WDPCP: variants seen among roughly 807,000 people sequenced by gnomAD.
The protein encoded by WDPCP is WD repeat-containing and planar cell polarity effector protein fritz homolog.
WDPCP carries 71 observed loss-of-function variants against 93.1 expected under a neutral mutation model. The observed-to-expected ratio is 0.76, with a 90% confidence interval of 0.63 to 0.93. The LOEUF is 0.93. Among genes scored for constraint, WDPCP ranks in the 40% least tolerant of loss-of-function variants. The probability of loss-of-function intolerance (pLI) is 0.00; values close to 1 mark genes in which losing one functional copy is unlikely to be tolerated. For missense variants in WDPCP, 844 were observed against 887.4 expected (o/e 0.95, Z 0.62); for synonymous variants, 315 against 315.0 (o/e 1.00, Z 0.00).
intron 14 of WDPCP, among the ~76,000 whole-genome samples, chr2:63,205,824 C>T (rs909364641): frequency 6.6e-6 from 1 of 152,128 alleles, no homozygotes; most frequent in Non-Finnish European, 1.5e-5. Flanking sequence ...ATTTCTTTCT[C>T]TTGTCCGATT....
In WDPCP at chr2:63,554,504, T is replaced by A. The variant is rs1428145072; in HGVS notation, c.75+33693A>T. ...CCATCTCTATTAAAAATACAAAAAA[T>A]TAGCTGGGTATGATGGCAGGCACCT... On this transcript the variant is annotated intron_variant, in intron 1 of 17. Coordinates refer to ENST00000272321, the MANE Select transcript of WDPCP (RefSeq NM_015910.7). Among the ~76,000 whole-genome samples the A allele has an allele frequency of 3.9e-5, 6 of 152,010 alleles. No homozygotes were observed. In the South Asian group the frequency reaches 1.0e-3, roughly 26 times the overall value.
At chr2:63,487,770 C>T (rs928687939) in intron 2 of WDPCP, among the ~76,000 whole-genome samples, 3 of 152,078 alleles carry the variant, frequency 2.0e-5, no homozygotes, top group East Asian at 1.9e-4. Flanking sequence ...CAAGAAACAC[C>T]AAGTTTTCTC....
At chr2:63,423,176 C>A (rs1000689937) in intron 9 of WDPCP, among the ~76,000 whole-genome samples, 2 of 152,130 alleles carry the variant, frequency 1.3e-5, no homozygotes, top group Non-Finnish European at 2.9e-5. Context: ...TTAAACTATG[C>A]ATTTATTTTG....
chr2:63,478,139 C>G (rs1382168257), intron 6 of WDPCP, among the ~76,000 whole-genome samples: 3 of 152,042 alleles, frequency 2.0e-5, no homozygotes, highest in African/African-American at 7.2e-5. Context: ...GGAAAAATAT[C>G]ACAATCCTAA....
intron 13 of WDPCP, among the ~76,000 whole-genome samples, chr2:63,261,328 T>C (rs1681615316): frequency 1.3e-5 from 2 of 152,134 alleles, no homozygotes; most frequent in East Asian, 1.9e-4. Flanking sequence ...AACTGTGCAA[T>C]TGAGGAACTT....
chr2:63,171,084 T>C (rs1413718472), intron 15 of WDPCP, among the ~76,000 whole-genome samples: 1 of 152,094 alleles, frequency 6.6e-6, no homozygotes, highest in Non-Finnish European at 1.5e-5. Context: ...AAATGGACTT[T>C]AAGAGCTGGA....
At chr2:63,532,221 C>A (rs1575594628) in intron 1 of WDPCP, among the ~76,000 whole-genome samples, 1 of 152,126 alleles carries the variant, frequency 6.6e-6, no homozygotes, top group African/African-American at 2.4e-5. Flanking sequence ...GTGAAAAGAC[C>A]AAATCTACGT....
At chr2:63,792,675 A>G (rs144100916) in intron 2 of WDPCP, among the ~76,000 whole-genome samples, 1 of 152,300 alleles carries the variant, frequency 6.6e-6, no homozygotes, top group Non-Finnish European at 1.5e-5. Flanking sequence ...CAAGTAGTCT[A>G]TCAACATGGC....
chr2:63,656,510 A>G lies in WDPCP; in HGVS notation n.309-5672T>C, dbSNP rs750591963. Among the ~76,000 whole-genome samples, 7 of 152,256 alleles carry G rather than the reference A, an allele frequency of 4.6e-5. No individual in the cohort carries two copies. In the East Asian group the frequency reaches 1.2e-3, roughly 25 times the overall value. ...GGAAGCCAGAAATGGGCCAAAGCCA[A>G]GGAGACACACAAACATTGGGATATA... is the stretch of plus-strand genomic sequence containing the variant. On this transcript the variant is annotated intron_variant and non_coding_transcript_variant, in intron 2 of 4. Coordinates refer to the WDPCP transcript ENST00000467687.
intron 1 of WDPCP, among the ~76,000 whole-genome samples, chr2:63,547,586 C>A (rs1025872661): frequency 1.3e-5 from 2 of 151,972 alleles, no homozygotes; most frequent in East Asian, 3.9e-4. Flanking sequence ...CATACACACA[C>A]AGACACACAC....
intron 2 of WDPCP, among the ~76,000 whole-genome samples, chr2:63,760,394 ATTTC>A (rs1389790594): frequency 2.0e-5 from 3 of 151,886 alleles, no homozygotes; most frequent in Non-Finnish European, 2.9e-5. Flanking sequence ...CACGAAAAGG[ATTTC>A]TTTTTCTCCA....
chr2:63,822,063 A>G (rs1022845626), intron 1 of WDPCP, among the ~76,000 whole-genome samples: 3 of 152,174 alleles, frequency 2.0e-5, no homozygotes, highest in African/African-American at 7.2e-5. Flanking sequence ...AATCAATCTG[A>G]ACTTCAAAGG....
intron 3 of WDPCP, among the ~76,000 whole-genome samples, chr2:63,637,062 CAA>C (rs765861568): frequency 3.3e-5 from 5 of 152,046 alleles, no homozygotes; most frequent in East Asian, 3.9e-4. Context: ...CAAAAACAAA[CAA>C]GAGTGGCGGC....
chr2:63,349,464 TG>T (rs1485089483), intron 12 of WDPCP, among the ~76,000 whole-genome samples: 1 of 152,168 alleles, frequency 6.6e-6, no homozygotes, highest in Non-Finnish European at 1.5e-5. Context: ...ATGACTATTT[TG>T]TACCTCTAGA....
intron 6 of WDPCP, among the ~76,000 whole-genome samples, chr2:63,481,981 A>G (rs1285998113): frequency 6.6e-6 from 1 of 152,044 alleles, no homozygotes; most frequent in African/African-American, 2.4e-5. Flanking sequence ...ATCCTCCAAA[A>G]AAAAAGAAAG....
At chr2:63,684,652 C>T (rs1668780380) in intron 2 of WDPCP, 1 of 695,230 alleles carries the variant, frequency 1.4e-6, no homozygotes, top group Admixed American at 1.8e-5. Flanking sequence ...AGGTCAAGGT[C>T]AAGTTTGAAG....
At chr2:63,742,544 T>C (rs570582825) in intron 2 of WDPCP, among the ~76,000 whole-genome samples, 1 of 151,790 alleles carries the variant, frequency 6.6e-6, no homozygotes, top group East Asian at 1.9e-4. Flanking sequence ...ATGAGGTAGA[T>C]TGCATTAAAA....
At chr2:63,575,068 G>C (rs1558830465) in intron 1 of WDPCP, among the ~76,000 whole-genome samples, 1 of 151,818 alleles carries the variant, frequency 6.6e-6, no homozygotes, top group Non-Finnish European at 1.5e-5. Flanking sequence ...GGTTAAAATA[G>C]AAAGACAACA....
intron 2 of WDPCP, among the ~76,000 whole-genome samples, chr2:63,663,444 A>G (rs967584918): frequency 2.0e-5 from 3 of 152,218 alleles, no homozygotes; most frequent in African/African-American, 7.2e-5. Context: ...CAGAGAGGAA[A>G]GCAATCATGA....
Sources: gnomAD v4.1 joint callset for allele counts (sites outside exome capture counted in the v4.1 genomes callset) on GRCh38, gnomAD v4.1.1 for gene constraint, MANE v1.5 for transcripts, NCBI Gene and HGNC (gene_info 2026-07-23, HGNC 2026-07-21) for gene names.